UNC79: variants seen among roughly 807,000 people sequenced by gnomAD.
UNC79 encodes the protein protein unc-79 homolog.
Under a neutral mutation model 283.1 loss-of-function variants are expected in UNC79, and 37 were observed. The observed-to-expected ratio is 0.13, with a 90% CI of 0.10 to 0.17. The LOEUF is 0.17. Among genes scored for constraint, UNC79 ranks in the 10% least tolerant of loss-of-function variants. The probability of loss-of-function intolerance (pLI) is 1.00; values close to 1 mark genes in which losing one functional copy is unlikely to be tolerated. For missense variants in UNC79, 2,272 were observed against 3,211.1 expected, an observed-to-expected ratio of 0.71 and a Z score of 7.07; for synonymous variants, 1,107 against 1,200.2, an observed-to-expected ratio of 0.92 and a Z score of 1.61.
intron 19 of UNC79, among the ~76,000 whole-genome samples, chr14:93,581,561 T>C (rs893765989): frequency 1.4e-5 from 2 of 144,888 alleles, no homozygotes; most frequent in African/African-American, 5.1e-5. Context: ...TGGTATGATC[T>C]CGGCTCACTG....
At chr14:93,477,638 A>G (rs757262837) in exon 4 of UNC79, 12 of 1,613,190 alleles carry the variant, frequency 7.4e-6, no homozygotes, top group Non-Finnish European at 1.0e-5. Context: ...TTTGCCCTAC[A>G]CGATGATATC....
chr14:93,628,780 C>A (rs1422987344), intron 30 of UNC79, among the ~76,000 whole-genome samples: 1 of 152,194 alleles, frequency 6.6e-6, no homozygotes, highest in Non-Finnish European at 1.5e-5. Context: ...TAAAATCTTT[C>A]ATAAAATGAT....
chr14:93,426,776 T>C (rs551599586), upstream of UNC79, among the ~76,000 whole-genome samples: 28 of 152,254 alleles, frequency 1.8e-4, no homozygotes, highest in African/African-American at 5.8e-4. Context: ...GCATTTTTTT[T>C]TCACTGCACT....
intron 2 of UNC79, among the ~76,000 whole-genome samples, chr14:93,471,085 T>C (rs1011543678): frequency 1.3e-5 from 2 of 152,186 alleles, no homozygotes. Context: ...AGAAAATGCC[T>C]AATATGTTAT....
intron 1 of UNC79, among the ~76,000 whole-genome samples, chr14:93,340,549 A>G (rs114036547): frequency 0.017 from 2,517 of 151,202 alleles, 80 homozygotes; most frequent in African/African-American, 0.059. Context: ...CAGTCAGGTT[A>G]CAGTTCACTA....
intron 42 of UNC79, among the ~76,000 whole-genome samples, chr14:93,682,940 A>T (rs976840200): frequency 6.6e-6 from 1 of 152,262 alleles, no homozygotes; most frequent in Non-Finnish European, 1.5e-5. Flanking sequence ...AAGGAGCCAG[A>T]CATAGTAAAT....
chr14:93,690,195 A>C lies in UNC79; in HGVS notation c.7164A>C (p.Ala2388=). The change falls in exon 45 of 49, where the codon GCA becomes GCC. Residue 2388 remains alanine, a synonymous_variant. Transcript: ENST00000555664. The surrounding 1 kb of genome is among the most constrained non-coding windows in gnomAD (Gnocchi z 4.3). Reference sequence around the variant, plus strand: ...TGCTGGGTTCCCTCACTCACAATGCAGTGTGCCCAAATGCCTCCTCTCCCT... The same window carrying C: ...TGCTGGGTTCCCTCACTCACAATGCCGTGTGCCCAAATGCCTCCTCTCCCT... 6.2e-7 allele frequency: 1 copy of C among 1,614,202 alleles called. No homozygotes were observed. The highest frequency in any genetic ancestry group is 8.5e-7 in the Non-Finnish European group (1 of 1,180,044).
chr14:93,560,153 G>GA (rs1269900656), intron 14 of UNC79, among the ~76,000 whole-genome samples: 1 of 151,582 alleles, frequency 6.6e-6, no homozygotes, highest in Non-Finnish European at 1.5e-5. Context: ...ATAAAAGAAA[G>GA]AAAAAAATAG....
chr14:93,672,913 C>G (rs2073015144), intron 40 of UNC79, among the ~76,000 whole-genome samples: 2 of 152,152 alleles, frequency 1.3e-5, no homozygotes, highest in African/African-American at 4.8e-5. Flanking sequence ...ATTCCATTCT[C>G]TCCATTTTTC....
intron 23 of UNC79, among the ~76,000 whole-genome samples, chr14:93,595,759 G>A (rs1369302110): frequency 1.3e-5 from 2 of 152,122 alleles, no homozygotes; most frequent in Non-Finnish European, 2.9e-5. Context: ...TACCACACTA[G>A]AGGCATTTAC....
rs1382595128 is a variant in UNC79, at chr14:93,686,677, C to T, written c.6909+16C>T. ...CAAACTGAAGGTGAGATGACCGCCA[C>T]CTGCTCATCCCTCAGGTTCACAAAA... On this transcript the variant is annotated intron_variant, in intron 43 of 48. Coordinates refer to ENST00000555664, the Ensembl canonical transcript of UNC79. The T allele has an allele frequency of 6.2e-7, 1 of 1,613,734 alleles. No homozygotes were observed.
intron 7 of UNC79, among the ~76,000 whole-genome samples, chr14:93,516,364 G>A (rs1312402085): frequency 6.8e-6 from 1 of 146,734 alleles, no homozygotes; most frequent in East Asian, 2.0e-4. Flanking sequence ...AGAATTTTTT[G>A]GGCTATTTTA....
intron 41 of UNC79, among the ~76,000 whole-genome samples, chr14:93,679,971 G>C (rs2073705237): frequency 6.6e-6 from 1 of 152,044 alleles, no homozygotes; most frequent in Admixed American, 6.6e-5. Context: ...AGACAGAAAG[G>C]TTTATTAAGG....
At chr14:93,587,364 G>C (rs1297845797) in intron 22 of UNC79, among the ~76,000 whole-genome samples, 1 of 151,964 alleles carries the variant, frequency 6.6e-6, no homozygotes, top group Non-Finnish European at 1.5e-5. Flanking sequence ...ATAATAAAAC[G>C]TTACCCTAGA....
intron 40 of UNC79, among the ~76,000 whole-genome samples, chr14:93,671,186 G>T (rs1452500594): frequency 6.6e-6 from 1 of 152,146 alleles, no homozygotes; most frequent in Non-Finnish European, 1.5e-5. Flanking sequence ...ACAAGTTGTG[G>T]AAAGATATGC....
chr14:93,652,544 G>T (rs117018190), intron 35 of UNC79, among the ~76,000 whole-genome samples: 3,140 of 152,350 alleles, frequency 0.021, 49 homozygotes, highest in Non-Finnish European at 0.033. Flanking sequence ...ACAGGCGATA[G>T]TCACTGTGCC....
intron 7 of UNC79, among the ~76,000 whole-genome samples, chr14:93,507,180 C>G (rs2059587505): frequency 6.6e-6 from 1 of 151,990 alleles, no homozygotes; most frequent in Non-Finnish European, 1.5e-5. Flanking sequence ...CAGTTTTTAG[C>G]CAATATACAT....
chr14:93,532,412 GTGGGCTATGA>G (rs2060866331), intron 10 of UNC79, 128 bp from the exon 11 acceptor site: 2 of 963,822 alleles, frequency 2.1e-6, no homozygotes, highest in Non-Finnish European at 1.5e-6. Flanking sequence ...AGAGGCTGTG[GTGGGCTATGA>G]TGGTGCCATT....
chr14:93,542,373 T>C, intron 13 of UNC79, 93 bp from the exon 14 acceptor site: 1 of 1,273,518 alleles, frequency 7.9e-7, no homozygotes, highest in South Asian at 1.4e-5. Flanking sequence ...CTGGGATATC[T>C]TTTTATTTTT....
Sources: allele counts gnomAD v4.1 joint callset (sites outside exome capture counted in the v4.1 genomes callset), GRCh38; gene constraint gnomAD v4.1.1; non-coding constraint Gnocchi (gnomAD v3.1); transcripts MANE v1.5; gene names NCBI Gene and HGNC (gene_info 2026-07-23, HGNC 2026-07-21).